LRP5: variants seen among roughly 807,000 people sequenced by gnomAD.
The protein encoded by LRP5 is LDL receptor related protein 5, also known as low-density lipoprotein receptor-related protein 5.
LRP5 carries 62 observed loss-of-function variants against 154.1 expected under a neutral mutation model. That is an observed-to-expected ratio of 0.40 (90% CI 0.33 to 0.50). LRP5 has a LOEUF of 0.50. Among genes scored for constraint, LRP5 ranks in the 20% least tolerant of loss-of-function variants. The probability of loss-of-function intolerance (pLI) is 0.55; values close to 1 mark genes in which losing one functional copy is unlikely to be tolerated. For synonymous variants in LRP5, 966 were observed against 1,011.5 expected, an observed-to-expected ratio of 0.96 and a Z score of 0.85; for missense variants, 1,915 against 2,336.7, an observed-to-expected ratio of 0.82 and a Z score of 3.72.
At position 68,445,540 on chromosome 11, in the gene LRP5, A is replaced by G. The variant is rs1020971484; in HGVS notation, c.4489-896A>G. The G allele has an allele frequency of 2.7e-5, 34 of 1,241,722 alleles. No homozygotes were observed. In the African/African-American group the frequency reaches 5.2e-4, roughly 19 times the overall value. 76.9% of individuals were successfully genotyped at this position (1,241,722 alleles called of 1,614,324 possible). A position where few individuals can be genotyped will look rare whatever the true frequency, so the allele number is the denominator to read the frequency against. Reference sequence around the variant, plus strand: ...CCTGAGAGAACTGAGTCCCTCGGGCATAACTGACAGTTCTGTTCCCATTAT... The same window carrying G: ...CCTGAGAGAACTGAGTCCCTCGGGCGTAACTGACAGTTCTGTTCCCATTAT... On this transcript the variant is annotated intron_variant, in intron 21 of 22. Coordinates refer to ENST00000294304, the MANE Select transcript of LRP5 (RefSeq NM_002335.4).
rs2098638951 is a variant in LRP5, at chr11:68,379,057, TA to T, written c.1016-7254del. Among the ~76,000 whole-genome samples the T allele has an allele frequency of 1.3e-5, 2 of 151,372 alleles. 1 individual carries two copies. Among genetic ancestry groups the T allele is most frequent in the South Asian group, 4.2e-4 (2 of 4,780 alleles). ...CGAGACTCTGTCTCAAAAAAAAAAA[TA>T]AAAATAAAATAAATAAATACATAAA... On this transcript the variant is annotated intron_variant, in intron 5 of 22. Transcript: ENST00000294304.
intron 12 of LRP5, among the ~76,000 whole-genome samples, 194 bp downstream of exon 12, chr11:68,414,206 G>A (rs557052991): frequency 6.6e-6 from 1 of 152,308 alleles, no homozygotes; most frequent in Admixed American, 6.5e-5. Flanking sequence ...TGCTTCATCA[G>A]GACATAGATA....
chr11:68,314,938 G>A (rs1453659600), intron 1 of LRP5, among the ~76,000 whole-genome samples: 2 of 152,230 alleles, frequency 1.3e-5, no homozygotes, highest in Non-Finnish European at 2.9e-5. Flanking sequence ...GATTCACCTC[G>A]TGCTTCCTGT....
chr11:68,405,577 G>C (rs1356990726), intron 8 of LRP5, among the ~76,000 whole-genome samples: 1 of 152,048 alleles, frequency 6.6e-6, no homozygotes, highest in Non-Finnish European at 1.5e-5. Flanking sequence ...AAGACAAAAG[G>C]GTGCCTCCAT....
intron 12 of LRP5, 129 bp downstream of exon 12, chr11:68,414,141 T>G: frequency 1.2e-6 from 1 of 852,988 alleles, no homozygotes; most frequent in Non-Finnish European, 1.9e-6. Context: ...GGTTGTGCAC[T>G]GCACAAGCTG....
intron 16 of LRP5, among the ~76,000 whole-genome samples, chr11:68,427,540 T>G (rs2098669452): frequency 6.6e-6 from 1 of 151,792 alleles, no homozygotes. Context: ...ATTAGCTGGG[T>G]GTGGTGGCAG....
chr11:68,448,872 C>G lies in LRP5; in HGVS notation c.4650C>G (p.Ser1550Arg). The G allele has an allele frequency of 6.2e-7, 1 of 1,612,698 alleles. No individual in the cohort carries two copies. The highest frequency in any genetic ancestry group is 8.5e-7 in the Non-Finnish European group (1 of 1,180,012). ...CCTGCAGCACCGACGTGTGTGACAG[C>G]GACTACAGCGCCAGCCGCTGGAAGG... Reference protein sequence around the residue: ...TTPCSTDVCDSDYSASRWKAS... With the variant: ...TTPCSTDVCDRDYSASRWKAS... The change falls in exon 23 of 23, where the codon AGC becomes AGG. Residue 1550 changes from serine to arginine, a missense_variant. By Grantham distance (110) the Ser-to-Arg change is moderately radical. Coordinates refer to ENST00000294304, the MANE Select transcript of LRP5 (RefSeq NM_002335.4).
rs534418293 is a variant in LRP5 at position 68,353,333 on chromosome 11, G to A, written c.489-4317G>A. 1.2e-4 allele frequency among the ~76,000 whole-genome samples: 19 copies of A among 152,252 alleles called. No homozygotes were observed. Among genetic ancestry groups the A allele is most frequent in the African/African-American group, 4.3e-4 (18 of 41,556 alleles). On this transcript the variant is annotated intron_variant, in intron 2 of 22. Coordinates refer to ENST00000294304, the MANE Select transcript of LRP5 (RefSeq NM_002335.4). This position sits in a 1 kb window ranked among gnomAD's most constrained non-coding sequence, Gnocchi z 4.5. The stretch of plus-strand genomic sequence containing the variant: ...TCATTTGAATGAGAGAGTGAAAACA[G>A]TGAGATGCCGGCTCCCACTCATCAG...
chr11:68,411,451 C>G lies in LRP5; in HGVS notation c.2334C>G (p.Thr778=), dbSNP rs753035383. The change falls in exon 11 of 23, where the codon ACC becomes ACG. Residue 778 remains threonine (T), a synonymous_variant. Coordinates refer to ENST00000294304, the MANE Select transcript of LRP5 (RefSeq NM_002335.4). Reference sequence around the variant, plus strand: ...TGCCTTCCAGCTACATCTACTGGACCGAGTGGGGCGGCAAGCCGAGGATCG... The same window carrying G: ...TGCCTTCCAGCTACATCTACTGGACGGAGTGGGGCGGCAAGCCGAGGATCG... ...LDPTKGYIYW[T]EWGGKPRIVR... is the part of the protein sequence containing the mutation. 7.4e-6 allele frequency: 12 copies of G among 1,612,008 alleles called. No individual in the cohort carries two copies. Among genetic ancestry groups the G allele is most frequent in the Non-Finnish European group, 1.0e-5 (12 of 1,180,024 alleles).
At chr11:68,375,550 C>T (rs534128730) in intron 5 of LRP5, among the ~76,000 whole-genome samples, 3 of 152,354 alleles carry the variant, frequency 2.0e-5, no homozygotes, top group East Asian at 3.9e-4. Flanking sequence ...ACGGCTCCTC[C>T]GCCCGTGCGC....
At position 68,413,269 on chromosome 11, in the gene LRP5, G is replaced by T. The variant is rs1421343581; in HGVS notation, c.2504-420G>T. ...CTCATGTGACCCTGCCAATGAGGGC[G>T]GCCATGTGCATTGCAGCCTGGCCGT... On this transcript the variant is annotated intron_variant, in intron 11 of 22. Coordinates refer to ENST00000294304, the MANE Select transcript of LRP5 (RefSeq NM_002335.4). This position sits in a 1 kb window ranked among gnomAD's most constrained non-coding sequence, Gnocchi z 5.1. 7 of 331,874 alleles carry T rather than the reference G, an allele frequency of 2.1e-5. No homozygotes were observed. In the South Asian group the frequency reaches 2.9e-4, roughly 14 times the overall value. 20.6% of individuals were successfully genotyped at this position (331,874 alleles called of 1,614,324 possible).
intron 13 of LRP5, among the ~76,000 whole-genome samples, chr11:68,420,456 G>A (rs1373370033): frequency 1.3e-5 from 2 of 152,094 alleles, no homozygotes; most frequent in Non-Finnish European, 2.9e-5. Context: ...TCTAATCCCA[G>A]CATTTTGGGA....
chr11:68,329,749 C>T (rs978055764), intron 1 of LRP5, among the ~76,000 whole-genome samples: 1 of 152,222 alleles, frequency 6.6e-6, no homozygotes, highest in Non-Finnish European at 1.5e-5. Flanking sequence ...TGCTGGCCTC[C>T]CACCGGCCAT....
rs1016849442 is a variant in LRP5 at position 68,447,936 on chromosome 11, G to A, written c.4587-873G>A. 1.4e-4 allele frequency among the ~76,000 whole-genome samples: 22 copies of A among 152,288 alleles called. No individual in the cohort carries two copies. The highest frequency in any genetic ancestry group is 4.6e-4 in the African/African-American group (19 of 41,558). Reference sequence around the variant, plus strand: ...GGTTGCTTGAACTCAGGATGGAAGTGTTCCGGGCCCATTGGTTGCTGTATT... The same window carrying A: ...GGTTGCTTGAACTCAGGATGGAAGTATTCCGGGCCCATTGGTTGCTGTATT... On this transcript the variant is annotated intron_variant, in intron 22 of 22. Coordinates refer to ENST00000294304, the MANE Select transcript of LRP5 (RefSeq NM_002335.4). The surrounding 1 kb of genome is among the most constrained non-coding windows in gnomAD (Gnocchi z 4.3).
At chr11:68,334,695 C>T (rs554115444) in intron 1 of LRP5, among the ~76,000 whole-genome samples, 9 of 151,988 alleles carry the variant, frequency 5.9e-5, no homozygotes, top group Admixed American at 1.3e-4. Context: ...GCCAATGTGG[C>T]GAAACTCCGT....
intron 21 of LRP5, among the ~76,000 whole-genome samples, chr11:68,443,544 C>CACATAT (rs1418195798): frequency 9.0e-4 from 20 of 22,292 alleles, no homozygotes; most frequent in Non-Finnish European, 1.2e-3. Flanking sequence ...TCTTTTATGG[C>CACATAT]ATATATATAT....
chr11:68,431,800 C>A (rs138430065), intron 17 of LRP5, among the ~76,000 whole-genome samples: 9 of 152,192 alleles, frequency 5.9e-5, no homozygotes, highest in African/African-American at 2.2e-4. Context: ...GAAACGGGGC[C>A]GTCAGAACGC....
intron 3 of LRP5, among the ~76,000 whole-genome samples, chr11:68,362,351 G>A (rs1425369373): frequency 3.3e-5 from 5 of 152,150 alleles, no homozygotes; most frequent in Non-Finnish European, 5.9e-5. Context: ...AGGCTGCACC[G>A]CCTTGCGAAT....
intron 18 of LRP5, among the ~76,000 whole-genome samples, chr11:68,435,057 C>T (rs1290738876): frequency 6.6e-6 from 1 of 152,246 alleles, no homozygotes; most frequent in African/African-American, 2.4e-5. Context: ...TGGTGCACAG[C>T]CATGCCCATT....
Sources: gnomAD v4.1 joint callset for allele counts (sites outside exome capture counted in the v4.1 genomes callset) on GRCh38, gnomAD v4.1.1 for gene constraint, Gnocchi (gnomAD v3.1) non-coding constraint, MANE v1.5 for transcripts, NCBI Gene and HGNC (gene_info 2026-07-23, HGNC 2026-07-21) for gene names.